The following ST7 variants were observed in gnomAD, a reference collection of about 807,000 sequenced individuals.
The protein encoded by ST7 is suppressor of tumorigenicity 7 protein.
Under a neutral mutation model 78.7 loss-of-function variants are expected in ST7, and 28 were observed. The observed-to-expected ratio is 0.36, with a 90% CI of 0.26 to 0.49. The LOEUF (loss-of-function observed/expected upper bound fraction) is 0.49. Ranked by LOEUF, ST7 falls within the 20% of genes least tolerant of loss-of-function variation. ST7 has a pLI of 0.99. For missense variants in ST7, 418 were observed against 696.0 expected (o/e 0.60, Z 4.49); for synonymous variants, 247 against 249.6 (o/e 0.99, Z 0.10).
chr7:117,217,261 C>A (rs1792758818), intron 13 of ST7, among the ~76,000 whole-genome samples: 1 of 150,062 alleles, frequency 6.7e-6, no homozygotes. Flanking sequence ...CCCAGCAGCC[C>A]TTTGCACATG....
chr7:117,084,632 T>C (rs1208813602), intron 1 of ST7, among the ~76,000 whole-genome samples: 1 of 152,170 alleles, frequency 6.6e-6, no homozygotes, highest in African/African-American at 2.4e-5. Context: ...GACAGGATAA[T>C]AACACAAAGT....
Position 117,080,207 on chromosome 7 carries a change from C to T in ST7, c.152-19555C>T, listed in dbSNP as rs188592315. ...GTTTTAGCCAGGATGGTCTCGATCT[C>T]CTGACCTCGTGATCCGCTTGTCATT... On this transcript the variant is annotated intron_variant, in intron 1 of 15. Transcript: ENST00000323984. Among the ~76,000 whole-genome samples the T allele has an allele frequency of 1.8e-4, 28 of 151,988 alleles. No homozygotes were observed. The East Asian group carries it at 5.2e-3, about 28-fold the overall frequency.
rs1563078825 is a variant in ST7, at chr7:117,097,897, TA to T, written c.152-1864del. On this transcript the variant is annotated intron_variant, in intron 1 of 15. Transcript: ENST00000323984. ...ACATATCACTATATATATATATATA[TA>T]TATATATATATTTTTTTTTTTTTTT... Among the ~76,000 whole-genome samples, 137 of 27,720 alleles carry T rather than the reference TA, an allele frequency of 4.9e-3. 7 individuals are homozygous for T. The highest frequency in any genetic ancestry group is 0.021 in the African/African-American group (123 of 5,926). 18.2% of individuals were successfully genotyped at this position (27,720 alleles called of 152,430 possible).
intron 12 of ST7, among the ~76,000 whole-genome samples, chr7:117,193,179 A>ACACACACACACACG (rs1433217551): frequency 2.7e-5 from 4 of 149,448 alleles, no homozygotes; most frequent in Admixed American, 2.7e-4. Flanking sequence ...ACACACACAC[A>ACACACACACACACG]CACGGTGCCT....
intron 1 of ST7, among the ~76,000 whole-genome samples, chr7:116,989,180 C>T (rs1247783038): frequency 2.0e-5 from 3 of 152,128 alleles, no homozygotes; most frequent in African/African-American, 7.2e-5. Flanking sequence ...GAGATATTTA[C>T]AGGTTGTTTT....
At chr7:116,987,880 T>G (rs1298663017) in intron 1 of ST7, among the ~76,000 whole-genome samples, 4 of 152,148 alleles carry the variant, frequency 2.6e-5, no homozygotes, top group African/African-American at 7.2e-5. Context: ...CCTACCACCA[T>G]GCCCGACTAC....
At chr7:117,171,553 A>G (rs569051138) in intron 10 of ST7, among the ~76,000 whole-genome samples, 2 of 151,844 alleles carry the variant, frequency 1.3e-5, no homozygotes, top group South Asian at 4.2e-4. Context: ...CATTCTGGTT[A>G]CTCACTCATG....
chr7:117,074,514 C>T (rs1272889395), intron 1 of ST7, among the ~76,000 whole-genome samples: 4 of 145,852 alleles, frequency 2.7e-5, no homozygotes, highest in Non-Finnish European at 6.1e-5. Flanking sequence ...CGACCCCCCT[C>T]ACCCCACACA....
chr7:117,052,512 T>C (rs1797838260), intron 1 of ST7, among the ~76,000 whole-genome samples: 1 of 152,244 alleles, frequency 6.6e-6, no homozygotes, highest in Non-Finnish European at 1.5e-5. Context: ...GAATAAAATA[T>C]CTTCACTGTA....
intron 9 of ST7, among the ~76,000 whole-genome samples, chr7:117,138,792 T>G (rs76701887): frequency 0.059 from 8,950 of 152,256 alleles, 773 homozygotes; most frequent in African/African-American, 0.19. Context: ...TAGAATTTTT[T>G]CGAGGACTAA....
intron 2 of ST7, among the ~76,000 whole-genome samples, chr7:117,113,355 A>G (rs1352951122): frequency 6.6e-6 from 1 of 152,202 alleles, no homozygotes; most frequent in Non-Finnish European, 1.5e-5. Flanking sequence ...GTAGCGGTTG[A>G]TATTTTCATT....
intron 2 of ST7, among the ~76,000 whole-genome samples, chr7:117,110,630 C>T (rs1273632180): frequency 6.6e-6 from 1 of 152,234 alleles, no homozygotes; most frequent in African/African-American, 2.4e-5. Flanking sequence ...GTTTTTCTAG[C>T]CTGCTGTACA....
rs548497436 is a variant in ST7 at position 117,145,027 on chromosome 7, C to A, written c.963+6495C>A. Among the ~76,000 whole-genome samples, 3 of 152,114 alleles carry A rather than the reference C, an allele frequency of 2.0e-5. No individual in the cohort carries two copies. In the East Asian group the frequency reaches 5.8e-4, roughly 30 times the overall value. Reference sequence around the variant, plus strand: ...CCAGCGTGGGCAACGTGGTAAAACCCCATCTCTACTAAAAATACATAAATT... The same window carrying A: ...CCAGCGTGGGCAACGTGGTAAAACCACATCTCTACTAAAAATACATAAATT... On this transcript the variant is annotated intron_variant, in intron 9 of 15. Coordinates refer to ENST00000323984, the MANE Select transcript of ST7 (RefSeq NM_001369598.1).
intron 1 of ST7, among the ~76,000 whole-genome samples, chr7:117,027,468 T>TA (rs778094133): frequency 1.5e-5 from 2 of 134,918 alleles, no homozygotes; most frequent in African/African-American, 7.5e-5. Context: ...AAAGTAAAAG[T>TA]AAAGTAAAGT....
intron 1 of ST7, among the ~76,000 whole-genome samples, chr7:116,980,119 C>G (rs922376361): frequency 6.6e-6 from 1 of 151,798 alleles, no homozygotes; most frequent in Non-Finnish European, 1.5e-5. Flanking sequence ...TCACAACTCC[C>G]GGCGAATTTT....
At chr7:117,019,695 G>T (rs1234756960) in intron 1 of ST7, among the ~76,000 whole-genome samples, 10 of 152,170 alleles carry the variant, frequency 6.6e-5, no homozygotes, top group Admixed American at 2.0e-4. Flanking sequence ...AGTGTTCTAA[G>T]TACTTAAGAT....
chr7:117,198,797 T>C (rs1810545072), intron 12 of ST7, among the ~76,000 whole-genome samples: 2 of 152,062 alleles, frequency 1.3e-5, no homozygotes, highest in Non-Finnish European at 2.9e-5. Flanking sequence ...AAAACATCAC[T>C]GTGTCTTCTA....
chr7:117,212,752 G>A (rs116272957), intron 13 of ST7, among the ~76,000 whole-genome samples: 130 of 151,896 alleles, frequency 8.6e-4, no homozygotes, highest in African/African-American at 2.7e-3. Flanking sequence ...ATATGCATAT[G>A]TATATATACA....
chr7:117,062,608 CATT>C (rs1409390329), intron 1 of ST7, among the ~76,000 whole-genome samples: 1 of 152,118 alleles, frequency 6.6e-6, no homozygotes, highest in South Asian at 2.1e-4. Flanking sequence ...TTTTCTGGAA[CATT>C]ATATTTAATA....
Sources: gnomAD v4.1 joint callset for allele counts (sites outside exome capture counted in the v4.1 genomes callset) on GRCh38, gnomAD v4.1.1 for gene constraint, MANE v1.5 for transcripts, NCBI Gene and HGNC (gene_info 2026-07-23, HGNC 2026-07-21) for gene names.